CTNND2: variants seen among roughly 807,000 people sequenced by gnomAD.
The protein encoded by CTNND2 is catenin delta 2.
In CTNND2, 22 loss-of-function variants were observed where a neutral mutation model predicts 144.4. The ratio of observed to expected loss-of-function variants is 0.15; its 90% confidence interval spans 0.11 to 0.22. The LOEUF (loss-of-function observed/expected upper bound fraction) is 0.22. Ranked by LOEUF, CTNND2 falls within the 10% of genes least tolerant of loss-of-function variation. The probability of loss-of-function intolerance (pLI) is 1.00; values close to 1 mark genes in which losing one functional copy is unlikely to be tolerated. For synonymous variants in CTNND2, 751 were observed against 695.6 expected (o/e 1.08, Z -1.25); for missense variants, 1,353 against 1,618.8 (o/e 0.84, Z 2.82).
intron 8 of CTNND2, among the ~76,000 whole-genome samples, chr5:11,351,311 T>G (rs1755323890): frequency 6.6e-6 from 1 of 152,158 alleles, no homozygotes; most frequent in Non-Finnish European, 1.5e-5. Flanking sequence ...CTCTCTCGTC[T>G]CACCTGCTCT....
At chr5:11,748,787 C>T (rs73743225) in intron 1 of CTNND2, among the ~76,000 whole-genome samples, 16 of 151,932 alleles carry the variant, frequency 1.1e-4, no homozygotes, top group African/African-American at 2.4e-4. Flanking sequence ...TGATAATTTT[C>T]AATTATGTCC....
chr5:11,324,070 T>G (rs1752302726), intron 9 of CTNND2, among the ~76,000 whole-genome samples: 1 of 152,096 alleles, frequency 6.6e-6, no homozygotes, highest in Non-Finnish European at 1.5e-5. Flanking sequence ...AGGTGACAGG[T>G]GGAACAGTGT....
At chr5:11,654,054 A>G (rs927484552) in intron 2 of CTNND2, among the ~76,000 whole-genome samples, 9 of 152,120 alleles carry the variant, frequency 5.9e-5, no homozygotes, top group African/African-American at 2.2e-4. Context: ...GACCGTATGT[A>G]GGTGAGTTTA....
At chr5:11,561,709 A>AT (rs965836301) in intron 3 of CTNND2, among the ~76,000 whole-genome samples, 221 of 151,718 alleles carry the variant, frequency 1.5e-3, no homozygotes, top group African/African-American at 4.6e-3. Flanking sequence ...CATACTGATA[A>AT]TTTTTTTTTA....
At position 11,354,663 on chromosome 5, in the gene CTNND2, C is replaced by T. The variant is rs1755677572; in HGVS notation, c.1373-8036G>A. 2.0e-5 allele frequency among the ~76,000 whole-genome samples: 3 copies of T among 152,250 alleles called. No homozygotes were observed. The South Asian group carries it at 6.2e-4, about 32-fold the overall frequency. Reference sequence around the variant, plus strand: ...AGATAGACTATAGAACAGTAGGGAACTTCAACCCCCCTTTAAGTGTGGACA... The same window carrying T: ...AGATAGACTATAGAACAGTAGGGAATTTCAACCCCCCTTTAAGTGTGGACA... On this transcript the variant is annotated intron_variant, in intron 8 of 21. Coordinates refer to ENST00000304623, the MANE Select transcript of CTNND2 (RefSeq NM_001332.4).
chr5:11,592,754 T>C (rs1779318207), intron 2 of CTNND2, among the ~76,000 whole-genome samples: 1 of 151,472 alleles, frequency 6.6e-6, no homozygotes, highest in South Asian at 2.1e-4. Context: ...CCTGACTTAA[T>C]GGACAGTGGA....
At chr5:11,681,606 C>T (rs73743023) in intron 2 of CTNND2, among the ~76,000 whole-genome samples, 1,800 of 152,218 alleles carry the variant, frequency 0.012, 28 homozygotes, top group African/African-American at 0.042. Flanking sequence ...ATAATGAATG[C>T]AATAGAAAGC....
chr5:11,478,082 A>G (rs1399337545), intron 3 of CTNND2, among the ~76,000 whole-genome samples: 2 of 152,162 alleles, frequency 1.3e-5, no homozygotes, highest in Non-Finnish European at 2.9e-5. Context: ...TACTGGAATT[A>G]TTTTTCATTA....
intron 2 of CTNND2, among the ~76,000 whole-genome samples, chr5:11,722,062 G>C (rs931143933): frequency 2.6e-5 from 4 of 152,140 alleles, no homozygotes; most frequent in African/African-American, 9.7e-5. Flanking sequence ...ATCTTTATTT[G>C]TGGTCCACAT....
Position 11,752,542 on chromosome 5 carries a change from CT to C in CTNND2, c.38-20271del, listed in dbSNP as rs201310121. On this transcript the variant is annotated intron_variant, in intron 1 of 21. Coordinates refer to ENST00000304623, the MANE Select transcript of CTNND2 (RefSeq NM_001332.4). ...TGTTCCACTGGTCTATGTGTCTGTT[CT>C]TTTTTTTTTTTTCTTTTTCCACTAA... Among the ~76,000 whole-genome samples the C allele has an allele frequency of 4.1e-3, 568 of 139,030 alleles. 6 individuals are homozygous for C. The highest frequency in any genetic ancestry group is 0.011 in the African/African-American group (409 of 38,464). 91.2% of individuals were successfully genotyped at this position (139,030 alleles called of 152,430 possible). A position where few individuals can be genotyped will look rare whatever the true frequency, so the allele number is the denominator to read the frequency against.
intron 10 of CTNND2, among the ~76,000 whole-genome samples, chr5:11,206,990 G>C (rs1230591759): frequency 6.6e-6 from 1 of 152,154 alleles, no homozygotes; most frequent in South Asian, 2.1e-4. Flanking sequence ...CACAGTAGGA[G>C]ATTTAATCTA....
chr5:11,395,306 A>G (rs1275430733), intron 6 of CTNND2, among the ~76,000 whole-genome samples: 1 of 152,222 alleles, frequency 6.6e-6, no homozygotes, highest in Non-Finnish European at 1.5e-5. Flanking sequence ...AAATTATAAT[A>G]CCAATATCTA....
chr5:11,324,502 G>A (rs763452123), intron 9 of CTNND2, among the ~76,000 whole-genome samples: 7 of 152,042 alleles, frequency 4.6e-5, no homozygotes, highest in Admixed American at 2.6e-4. Context: ...CAATTCCAAC[G>A]ACCATCTAAA....
intron 9 of CTNND2, among the ~76,000 whole-genome samples, chr5:11,335,323 T>G (rs112720254): frequency 6.6e-6 from 1 of 152,232 alleles, no homozygotes; most frequent in Non-Finnish European, 1.5e-5. Flanking sequence ...TGGAAATTAA[T>G]TTTCATTAGT....
In CTNND2 at chr5:11,397,136, C is replaced by A. The variant is rs146087152; in HGVS notation, c.507G>T (p.Pro169=). 1 of 1,614,118 alleles carries A rather than the reference C, an allele frequency of 6.2e-7. No homozygotes were observed. The highest frequency in any genetic ancestry group is 2.2e-5 in the East Asian group (1 of 44,874). The part of the protein sequence containing the change: ...NSKPEGSFQY[P]ASYHSNQTLA... ...GGGTCTGGTTGCTATGGTAGCTGGCCGGATACTGGAAAGACCCTTCAGGTT... is the reference window on the plus strand; with the variant it reads ...GGGTCTGGTTGCTATGGTAGCTGGCAGGATACTGGAAAGACCCTTCAGGTT... The change falls in exon 6 of 22, where the codon CCG becomes CCT. Residue 169 remains proline, a synonymous_variant. Coordinates refer to ENST00000304623, the MANE Select transcript of CTNND2 (RefSeq NM_001332.4).
intron 10 of CTNND2, among the ~76,000 whole-genome samples, chr5:11,218,545 T>G (rs1286904643): frequency 6.6e-6 from 1 of 152,056 alleles, no homozygotes; most frequent in African/African-American, 2.4e-5. Context: ...AAATTGAGAT[T>G]GGCTTTTTCT....
At chr5:11,529,348 T>C (rs1773536582) in intron 3 of CTNND2, among the ~76,000 whole-genome samples, 1 of 152,266 alleles carries the variant, frequency 6.6e-6, no homozygotes. Context: ...TCAAATGCTT[T>C]ATAAAACCAA....
Position 11,215,222 on chromosome 5 carries a change from T to G in CTNND2, c.1762-15561A>C, listed in dbSNP as rs542306012. Among the ~76,000 whole-genome samples, 398 of 152,346 alleles carry G rather than the reference T, an allele frequency of 2.6e-3. 1 individual carries two copies. Among genetic ancestry groups the G allele is most frequent in the African/African-American group, 9.2e-3 (383 of 41,584 alleles). ...CACACTTGGGAACAAGGACTTCCAGTGCCTAAGAAGATATCTCGGAAACTC... is the reference window on the plus strand; with the variant it reads ...CACACTTGGGAACAAGGACTTCCAGGGCCTAAGAAGATATCTCGGAAACTC... On this transcript the variant is annotated intron_variant, in intron 10 of 21. Transcript: ENST00000304623.
intron 1 of CTNND2, among the ~76,000 whole-genome samples, chr5:11,783,700 A>G (rs1283047707): frequency 6.6e-6 from 1 of 152,158 alleles, no homozygotes; most frequent in African/African-American, 2.4e-5. Flanking sequence ...ACCTGTATGC[A>G]ATGGAGGAGA....
Sources: gnomAD v4.1 joint callset for allele counts (sites outside exome capture counted in the v4.1 genomes callset) on GRCh38, gnomAD v4.1.1 for gene constraint, MANE v1.5 for transcripts, NCBI Gene and HGNC (gene_info 2026-07-23, HGNC 2026-07-21) for gene names.